The following CTNNBL1 variants were observed in gnomAD, a reference collection of about 807,000 sequenced individuals.
CTNNBL1 encodes the protein beta-catenin-like protein 1.
A neutral mutation model predicts 72.7 loss-of-function variants in CTNNBL1; 31 were observed. That is an observed-to-expected ratio of 0.43 (90% CI 0.32 to 0.58). CTNNBL1 has a LOEUF of 0.58. Ranked by LOEUF, CTNNBL1 falls within the 20% of genes least tolerant of loss-of-function variation. The pLI, the probability that CTNNBL1 is intolerant of heterozygous loss-of-function variation, is 0.08. For missense variants in CTNNBL1, 534 were observed against 725.1 expected (o/e 0.74, Z 3.03); for synonymous variants, 240 against 267.3 (o/e 0.90, Z 1.00).
intron 11 of CTNNBL1, among the ~76,000 whole-genome samples, chr20:37,815,332 T>C (rs188315184): frequency 0.055 from 8,284 of 150,334 alleles, 327 homozygotes; most frequent in Middle Eastern, 0.14. Flanking sequence ...TTTTTTTTTT[T>C]CTGAGATGGA....
At chr20:37,749,370 G>A (rs886095464) in intron 4 of CTNNBL1, among the ~76,000 whole-genome samples, 1 of 152,156 alleles carries the variant, frequency 6.6e-6, no homozygotes, top group Non-Finnish European at 1.5e-5. Flanking sequence ...GGCTCCTGCC[G>A]GGGAGAAGAC....
At chr20:37,857,750 C>T (rs1385721886) in intron 13 of CTNNBL1, among the ~76,000 whole-genome samples, 7 of 152,102 alleles carry the variant, frequency 4.6e-5, no homozygotes, top group Admixed American at 3.9e-4. Flanking sequence ...TCAGAAGGAA[C>T]GGTGGCCATA....
chr20:37,705,027 A>T (rs899947626), intron 1 of CTNNBL1, among the ~76,000 whole-genome samples: 5 of 152,242 alleles, frequency 3.3e-5, no homozygotes, highest in African/African-American at 1.2e-4. Context: ...GTATATAAAA[A>T]TGACTTCATT....
intron 10 of CTNNBL1, among the ~76,000 whole-genome samples, chr20:37,782,910 A>G (rs1198970835): frequency 1.3e-5 from 2 of 152,156 alleles, no homozygotes; most frequent in African/African-American, 4.8e-5. Flanking sequence ...TAAATTTTAA[A>G]CTTAAATTTA....
At position 37,818,981 on chromosome 20, in the gene CTNNBL1, TA is replaced by T. The variant is rs1195028246; in HGVS notation, c.1213+15936del. 2.6e-5 allele frequency among the ~76,000 whole-genome samples: 4 copies of T among 152,322 alleles called. No homozygotes were observed. The East Asian group carries it at 7.7e-4, about 29-fold the overall frequency. ...TTTTAGGCTCCCCTCACCACTATTT[TA>T]AATTGTTAGCATTATTTCTTACAAT... On this transcript the variant is annotated intron_variant, in intron 11 of 15. Coordinates refer to ENST00000361383, the MANE Select transcript of CTNNBL1 (RefSeq NM_030877.5).
chr20:37,747,233 G>A (rs1353478276), intron 4 of CTNNBL1, among the ~76,000 whole-genome samples: 13 of 151,980 alleles, frequency 8.6e-5, no homozygotes, highest in African/African-American at 2.9e-4. Context: ...AAATTAACTG[G>A]ACGTGGTGGT....
Position 37,854,035 on chromosome 20 carries a change from C to T in CTNNBL1, c.1393-5864C>T, listed in dbSNP as rs182036265. 2.2e-3 allele frequency among the ~76,000 whole-genome samples: 335 copies of T among 152,150 alleles called. 4 individuals are homozygous for T. Among genetic ancestry groups the T allele is most frequent in the Non-Finnish European group, 9.0e-4 (61 of 68,008 alleles). On this transcript the variant is annotated intron_variant, in intron 13 of 15. Transcript: ENST00000361383. ...TGATGATGCCTTTCTTGGAGATGAG[C>T]TATAGTCGTATCTCAGATCTACATT... is the stretch of plus-strand genomic sequence containing the variant.
intron 11 of CTNNBL1, among the ~76,000 whole-genome samples, chr20:37,824,171 G>A (rs578000142): frequency 6.6e-6 from 1 of 152,310 alleles, no homozygotes; most frequent in Admixed American, 6.5e-5. Flanking sequence ...TAGAGGACTC[G>A]GGCTGAAGCT....
chr20:37,740,212 A>G (rs888759644), intron 3 of CTNNBL1, among the ~76,000 whole-genome samples: 1 of 152,210 alleles, frequency 6.6e-6, no homozygotes, highest in Non-Finnish European at 1.5e-5. Context: ...TTTCATGTCG[A>G]AAAGCAGTTA....
At chr20:37,724,711 T>C (rs1034337612) in intron 1 of CTNNBL1, among the ~76,000 whole-genome samples, 12 of 152,208 alleles carry the variant, frequency 7.9e-5, no homozygotes, top group African/African-American at 2.9e-4. Context: ...TGGATCCAGA[T>C]GTACACAAGC....
chr20:37,861,853 C>G (rs1189449167), intron 15 of CTNNBL1, among the ~76,000 whole-genome samples: 3 of 152,130 alleles, frequency 2.0e-5, no homozygotes, highest in Non-Finnish European at 4.4e-5. Flanking sequence ...AGATCATTGT[C>G]ATTATTATTT....
intron 1 of CTNNBL1, among the ~76,000 whole-genome samples, chr20:37,714,042 A>T (rs2072963547): frequency 6.6e-6 from 1 of 151,844 alleles, no homozygotes; most frequent in Non-Finnish European, 1.5e-5. Context: ...TCTTCTTCCT[A>T]GAAGAGGGCT....
chr20:37,843,628 A>G (rs149889989), intron 13 of CTNNBL1, among the ~76,000 whole-genome samples: 121 of 152,326 alleles, frequency 7.9e-4, no homozygotes, highest in Non-Finnish European at 1.2e-3. Flanking sequence ...TGACCAACCT[A>G]TCACTGCGCT....
chr20:37,767,175 G>C (rs1356051446), intron 6 of CTNNBL1, among the ~76,000 whole-genome samples: 1 of 152,086 alleles, frequency 6.6e-6, no homozygotes, highest in Admixed American at 6.5e-5. Flanking sequence ...TCTGTTTCAT[G>C]CTAGTAACAT....
chr20:37,791,659 G>A (rs974384019), intron 10 of CTNNBL1, among the ~76,000 whole-genome samples: 2 of 152,228 alleles, frequency 1.3e-5, no homozygotes, highest in African/African-American at 4.8e-5. Flanking sequence ...CGGCAGGTGA[G>A]TGAGCATTAC....
intron 5 of CTNNBL1, among the ~76,000 whole-genome samples, chr20:37,760,241 G>GTC (rs1213457164): frequency 1.3e-5 from 2 of 152,192 alleles, no homozygotes; most frequent in Non-Finnish European, 2.9e-5. Context: ...CCTCTCCAAA[G>GTC]ATGACTTTGG....
chr20:37,798,140 T>G (rs1462537366), intron 10 of CTNNBL1, among the ~76,000 whole-genome samples: 1 of 152,204 alleles, frequency 6.6e-6, no homozygotes, highest in African/African-American at 2.4e-5. Context: ...CTGTGCCTTG[T>G]CTCTGCATCC....
intron 7 of CTNNBL1, among the ~76,000 whole-genome samples, chr20:37,772,441 T>C (rs1024361908): frequency 2.0e-5 from 3 of 152,162 alleles, no homozygotes; most frequent in Non-Finnish European, 4.4e-5. Context: ...CTCCGTCTCC[T>C]GGGTTCACGC....
intron 11 of CTNNBL1, among the ~76,000 whole-genome samples, chr20:37,825,352 C>G (rs1437836064): frequency 7.5e-6 from 1 of 132,936 alleles, no homozygotes; most frequent in East Asian, 2.2e-4. Context: ...GACTCCGTCT[C>G]AAAAAATAAA....
Sources: gnomAD v4.1 joint callset for allele counts (sites outside exome capture counted in the v4.1 genomes callset) on GRCh38, gnomAD v4.1.1 for gene constraint, MANE v1.5 for transcripts, NCBI Gene and HGNC (gene_info 2026-07-23, HGNC 2026-07-21) for gene names.